ESR1: variants seen among roughly 807,000 people sequenced by gnomAD.
The protein encoded by ESR1 is estrogen receptor.
ESR1 carries 12 observed loss-of-function variants against 52.7 expected under a neutral mutation model. The observed-to-expected ratio is 0.23, with a 90% CI of 0.15 to 0.37. ESR1 has a LOEUF of 0.37. Among genes scored for constraint, ESR1 ranks in the 10% least tolerant of loss-of-function variants. ESR1 has a pLI of 1.00. For missense variants in ESR1, 584 were observed against 779.7 expected (o/e 0.75, Z 2.99); for synonymous variants, 305 against 316.8 (o/e 0.96, Z 0.39).
intron 4 of ESR1, among the ~76,000 whole-genome samples, chr6:151,968,833 T>C (rs1053920327): frequency 2.0e-5 from 3 of 152,096 alleles, no homozygotes; most frequent in African/African-American, 7.2e-5. Context: ...ACTGGAACCA[T>C]GTCAATGGAG....
chr6:151,828,131 T>C (rs1781819644), intron 1 of ESR1, among the ~76,000 whole-genome samples: 1 of 152,244 alleles, frequency 6.6e-6, no homozygotes, highest in South Asian at 2.1e-4. Flanking sequence ...GGGAACTTTG[T>C]GCAGGTAACT....
At chr6:152,073,088 A>G (rs58772539) in intron 6 of ESR1, among the ~76,000 whole-genome samples, 1 of 152,372 alleles carries the variant, frequency 6.6e-6, no homozygotes, top group African/African-American at 2.4e-5. Flanking sequence ...TAAGAAAATT[A>G]TTCACAGAAG....
chr6:151,722,644 C>A (rs1293501956), intron 2 of ESR1, among the ~76,000 whole-genome samples: 2 of 152,176 alleles, frequency 1.3e-5, no homozygotes, highest in African/African-American at 2.4e-5. Context: ...GGGGCAAAAT[C>A]CTATTAAAAG....
At chr6:151,927,732 T>A (rs1009682804) in intron 3 of ESR1, among the ~76,000 whole-genome samples, 1 of 152,112 alleles carries the variant, frequency 6.6e-6, no homozygotes, top group Non-Finnish European at 1.5e-5. Flanking sequence ...TCTCTCTTTT[T>A]TTTTTGCCAG....
At chr6:151,755,909 G>A (rs1018219264) in intron 2 of ESR1, among the ~76,000 whole-genome samples, 1 of 152,076 alleles carries the variant, frequency 6.6e-6, no homozygotes, top group Non-Finnish European at 1.5e-5. Flanking sequence ...GGGATTACAG[G>A]TGTGAGCCAC....
intron 4 of ESR1, among the ~76,000 whole-genome samples, chr6:151,956,570 C>T (rs1012294690): frequency 2.6e-5 from 4 of 151,962 alleles, no homozygotes; most frequent in Admixed American, 6.6e-5. Flanking sequence ...TTATGGATGA[C>T]AGCACTGAGG....
intron 2 of ESR1, among the ~76,000 whole-genome samples, chr6:151,743,923 C>T (rs984398763): frequency 1.3e-5 from 2 of 152,060 alleles, no homozygotes; most frequent in Non-Finnish European, 2.9e-5. Context: ...CCCATTTCCC[C>T]GGCCCCTGAT....
At chr6:151,940,565 A>G (rs1371155038) in intron 3 of ESR1, among the ~76,000 whole-genome samples, 2 of 152,192 alleles carry the variant, frequency 1.3e-5, no homozygotes, top group Non-Finnish European at 2.9e-5. Flanking sequence ...TTTACATAGT[A>G]CTACAACTAA....
intron 2 of ESR1, among the ~76,000 whole-genome samples, chr6:151,706,143 T>C (rs1426787380): frequency 6.6e-6 from 1 of 152,240 alleles, no homozygotes; most frequent in African/African-American, 2.4e-5. Context: ...CCTAAGACCC[T>C]GCATGCACAT....
chr6:151,699,971 A>C (rs1196577652), intron 1 of ESR1, among the ~76,000 whole-genome samples: 1 of 151,914 alleles, frequency 6.6e-6, no homozygotes, highest in Non-Finnish European at 1.5e-5. Flanking sequence ...TAAGGGGTGG[A>C]GGTAGAATGT....
chr6:151,842,084 G>A (rs761175350), intron 1 of ESR1, among the ~76,000 whole-genome samples: 31 of 152,128 alleles, frequency 2.0e-4, no homozygotes, highest in Middle Eastern at 3.2e-3. Flanking sequence ...CATTATTCAA[G>A]TTATAAAAAC....
chr6:151,897,100 A>G (rs1795643452), intron 3 of ESR1, among the ~76,000 whole-genome samples: 1 of 152,186 alleles, frequency 6.6e-6, no homozygotes, highest in Non-Finnish European at 1.5e-5. Context: ...GTGGCATATC[A>G]TATGGTCTAT....
intron 1 of ESR1, among the ~76,000 whole-genome samples, chr6:151,661,196 G>A (rs1441009842): frequency 6.6e-6 from 1 of 152,216 alleles, no homozygotes; most frequent in African/African-American, 2.4e-5. Flanking sequence ...TGGATATCAT[G>A]GGGAAAACCA....
intron 5 of ESR1, among the ~76,000 whole-genome samples, chr6:152,049,322 A>G (rs958231047): frequency 2.6e-5 from 4 of 152,232 alleles, no homozygotes; most frequent in African/African-American, 7.2e-5. Flanking sequence ...GGCTTGTTCT[A>G]TTTATTAGAA....
At chr6:152,127,879 T>G (rs1256302594) in exon 7 of ESR1, 1 of 152,236 alleles carries the variant, frequency 6.6e-6, no homozygotes, top group Non-Finnish European at 1.5e-5. Context: ...TTGAATACAT[T>G]TTTAAATGAG....
At chr6:151,799,683 T>TATA (rs1482303707), upstream of ESR1, among the ~76,000 whole-genome samples, 1 of 152,142 alleles carries the variant, frequency 6.6e-6, no homozygotes, top group African/African-American at 2.4e-5. Flanking sequence ...TGATAAGTAG[T>TATA]ATAATGAGAA....
At chr6:151,929,693 A>T (rs891098046) in intron 3 of ESR1, among the ~76,000 whole-genome samples, 19 of 99,852 alleles carry the variant, frequency 1.9e-4, no homozygotes, top group Admixed American at 1.8e-3. Flanking sequence ...CCAGCTACTC[A>T]GGGGGCTGAG....
At chr6:151,858,560 C>T (rs1207944497) in intron 2 of ESR1, among the ~76,000 whole-genome samples, 1 of 151,590 alleles carries the variant, frequency 6.6e-6, no homozygotes, top group South Asian at 2.1e-4. Flanking sequence ...GACCCATTAC[C>T]CTGCCTTTGG....
intron 5 of ESR1, among the ~76,000 whole-genome samples, chr6:152,032,377 C>T (rs3020425): frequency 0.39 from 59,600 of 152,008 alleles, 13,863 homozygotes; most frequent in African/African-American, 0.65. Flanking sequence ...GACATGATTG[C>T]ATATCTAGAA....
Sources: gnomAD v4.1 joint callset for allele counts (sites outside exome capture counted in the v4.1 genomes callset) on GRCh38, gnomAD v4.1.1 for gene constraint, MANE v1.5 for transcripts, NCBI Gene and HGNC (gene_info 2026-07-23, HGNC 2026-07-21) for gene names.